Variants in ARHGAP5 observed in about 807,000 individuals in gnomAD.
ARHGAP5 encodes Rho GTPase activating protein 5.
A neutral mutation model predicts 116.6 loss-of-function variants in ARHGAP5; 23 were observed. The ratio of observed to expected loss-of-function variants is 0.20; its 90% CI spans 0.14 to 0.28. The LOEUF (loss-of-function observed/expected upper bound fraction) is 0.28, where lower values mean the gene tolerates loss of function less well. ARHGAP5 is among the 10% of genes least tolerant of loss of function. The pLI, the probability that ARHGAP5 is intolerant of heterozygous loss-of-function variation, is 1.00. For synonymous variants in ARHGAP5, 574 were observed against 602.0 expected, an observed-to-expected ratio of 0.95 and a Z score of 0.68; for missense variants, 1,405 against 1,774.8, an observed-to-expected ratio of 0.79 and a Z score of 3.74.
chr14:32,114,509 C>T (rs1278607283), intron 2 of ARHGAP5, among the ~76,000 whole-genome samples: 3 of 152,126 alleles, frequency 2.0e-5, no homozygotes, highest in Admixed American at 1.3e-4. Flanking sequence ...TAAGGATCCA[C>T]ACCACTTGAC....
chr14:32,088,676 A>G (rs1334757803), intron 1 of ARHGAP5, among the ~76,000 whole-genome samples: 1 of 152,022 alleles, frequency 6.6e-6, no homozygotes, highest in Non-Finnish European at 1.5e-5. Flanking sequence ...ATTGAACGGG[A>G]CTGCCCTAGT....
intron 3 of ARHGAP5, among the ~76,000 whole-genome samples, chr14:32,130,209 A>AT (rs1201632953): frequency 0.026 from 3,229 of 124,392 alleles, 77 homozygotes; most frequent in African/African-American, 0.042. Flanking sequence ...TTCATAAGGG[A>AT]TTTTTTTTTT....
chr14:32,126,407 C>T (rs1880156068), intron 3 of ARHGAP5, among the ~76,000 whole-genome samples: 1 of 152,184 alleles, frequency 6.6e-6, no homozygotes, highest in African/African-American at 2.4e-5. Flanking sequence ...TGTATTACTA[C>T]AATCTCTGCC....
At chr14:32,131,066 T>C (rs1010207211) in intron 3 of ARHGAP5, among the ~76,000 whole-genome samples, 2 of 152,122 alleles carry the variant, frequency 1.3e-5, no homozygotes, top group Non-Finnish European at 1.5e-5. Context: ...AACAAGAACA[T>C]TCTCTTCACA....
rs1164853875 is a variant in ARHGAP5, at chr14:32,158,296, C to G, written c.*3348C>G. ...TTTCACTGTACCTGAAAAGGAGATT[C>G]AAAATTTTTTCTGGGGATGTATATA... On this transcript the variant is annotated 3_prime_UTR_variant, in exon 7 of 7. Transcript: ENST00000345122. 1.3e-5 allele frequency: 2 copies of G among 151,808 alleles called. No homozygotes were observed. The highest frequency in any genetic ancestry group is 2.4e-5 in the African/African-American group (1 of 41,500). The allele number at this position is 151,808 out of a possible 1,614,324, so 9.4% of individuals were successfully genotyped here.
In ARHGAP5 at chr14:32,159,361, C is replaced by T. The variant is rs548381169; in HGVS notation, c.*4413C>T. ...TAAGTTATTGTGAACAATTTAATAACGGCCCTCCTGTTCTAGTTTGCCTAA... is the reference window on the plus strand; with the variant it reads ...TAAGTTATTGTGAACAATTTAATAATGGCCCTCCTGTTCTAGTTTGCCTAA... On this transcript the variant is annotated 3_prime_UTR_variant, in exon 7 of 7. Transcript: ENST00000345122. 1.3e-4 allele frequency: 20 copies of T among 152,212 alleles called. No individual in the cohort carries two copies. Among genetic ancestry groups the T allele is most frequent in the African/African-American group, 4.1e-4 (17 of 41,560 alleles). 9.4% of individuals were successfully genotyped at this position (152,212 alleles called of 1,614,324 possible).
At chr14:32,104,345 A>G (rs1335226445) in intron 2 of ARHGAP5, among the ~76,000 whole-genome samples, 1 of 152,194 alleles carries the variant, frequency 6.6e-6, no homozygotes, top group African/African-American at 2.4e-5. Flanking sequence ...TATCTTAGAG[A>G]ATAAAGGTTC....
In ARHGAP5 at chr14:32,091,886, G is replaced by A. The variant is rs1466276463; in HGVS notation, c.1217G>A (p.Ser406Asn). ...AGGCGGATTCCATTTGACCTCCTGA[G>A]CACTTTAGAAGCTGAAAAAGTCTAT... is the stretch of plus-strand genomic sequence containing the variant. Reference protein sequence around the residue: ...NDRRIPFDLLSTLEAEKVYQN... With the variant: ...NDRRIPFDLLNTLEAEKVYQN... Residue 406 changes from serine to asparagine, a missense_variant, in exon 2 of 7, where the codon AGC becomes AAC. This residue lies in a region of ARHGAP5 where 944 missense variants were observed against 1,095.3 expected (regional missense o/e 0.86). Transcript: ENST00000345122. 3 of 1,613,532 alleles carry A rather than the reference G, an allele frequency of 1.9e-6. No individual in the cohort carries two copies. In the South Asian group the frequency reaches 3.3e-5, roughly 18 times the overall value.
chr14:32,106,028 G>A (rs1376982986), intron 2 of ARHGAP5, among the ~76,000 whole-genome samples: 2 of 152,150 alleles, frequency 1.3e-5, no homozygotes, highest in Admixed American at 6.5e-5. Context: ...ACATCAGGTC[G>A]TTCCAGTTTT....
At position 32,087,433 on chromosome 14, in the gene ARHGAP5, G is replaced by GT. The variant is rs78897765; in HGVS notation, c.-168-3058dup. Among the ~76,000 whole-genome samples, 242 of 143,412 alleles carry GT rather than the reference G, an allele frequency of 1.7e-3. 1 individual carries two copies. The highest frequency in any genetic ancestry group is 4.5e-3 in the South Asian group (20 of 4,444). 94.1% of individuals were successfully genotyped at this position (143,412 alleles called of 152,430 possible). A position where few individuals can be genotyped will look rare whatever the true frequency, so the allele number is the denominator to read the frequency against. ...CCCTTTTGAGGGCAAGGTGACAACA[G>GT]TTTTTTTTTTTCTATTTTGGGGTTT... On this transcript the variant is annotated intron_variant, in intron 1 of 6. Transcript: ENST00000345122.
chr14:32,152,163 A>G (rs1881665118), intron 5 of ARHGAP5, among the ~76,000 whole-genome samples: 1 of 152,196 alleles, frequency 6.6e-6, no homozygotes. Flanking sequence ...TGAGAATCTA[A>G]TGATAAATGT....
intron 1 of ARHGAP5, among the ~76,000 whole-genome samples, chr14:32,086,701 C>CT (rs1237921457): frequency 2.7e-5 from 4 of 150,908 alleles, no homozygotes; most frequent in Non-Finnish European, 4.4e-5. Context: ...CCTTGTAGAA[C>CT]TTTTTTTTTC....
At chr14:32,098,015 A>G (rs1339018067) in intron 2 of ARHGAP5, among the ~76,000 whole-genome samples, 2 of 152,236 alleles carry the variant, frequency 1.3e-5, no homozygotes, top group Non-Finnish European at 2.9e-5. Context: ...ATGGCATATC[A>G]TAGAGAAGTC....
intron 3 of ARHGAP5, among the ~76,000 whole-genome samples, chr14:32,130,380 T>C (rs957263079): frequency 4.0e-5 from 6 of 148,354 alleles, no homozygotes; most frequent in African/African-American, 1.5e-4. Context: ...CCAGGCTAAT[T>C]TTTTGGGTTT....
intron 1 of ARHGAP5, among the ~76,000 whole-genome samples, chr14:32,089,955 T>C (rs2041868277): frequency 6.6e-6 from 1 of 151,852 alleles, no homozygotes; most frequent in African/African-American, 2.4e-5. Context: ...GGTATAACAT[T>C]TGGTAGATTT....
At chr14:32,134,527 G>A (rs1880683057) in intron 3 of ARHGAP5, among the ~76,000 whole-genome samples, 1 of 152,036 alleles carries the variant, frequency 6.6e-6, no homozygotes, top group Non-Finnish European at 1.5e-5. Context: ...CTTAAGTGAA[G>A]CCCCATTAGT....
At position 32,128,496 on chromosome 14, in the gene ARHGAP5, C is replaced by T. The variant is rs1446085628; in HGVS notation, c.3865+11209C>T. Among the ~76,000 whole-genome samples the T allele has an allele frequency of 2.6e-5, 4 of 152,260 alleles. No individual in the cohort carries two copies. In the South Asian group the frequency reaches 6.2e-4, roughly 24 times the overall value. ...TCACCTCGCTGGGCTCTGGTTTCCT[C>T]ATTCCAAGGATGGCTCTGCTATCTG... is the stretch of plus-strand genomic sequence containing the variant. On this transcript the variant is annotated intron_variant, in intron 3 of 6. Transcript: ENST00000345122.
At chr14:32,116,090 A>G (rs1879561732) in intron 2 of ARHGAP5, among the ~76,000 whole-genome samples, 1 of 150,170 alleles carries the variant, frequency 6.7e-6, no homozygotes, top group African/African-American at 2.5e-5. Flanking sequence ...GATTGAGACT[A>G]TCCTGGCTGA....
intron 3 of ARHGAP5, among the ~76,000 whole-genome samples, chr14:32,141,859 C>T (rs1881140386): frequency 6.6e-6 from 1 of 152,134 alleles, no homozygotes; most frequent in South Asian, 2.1e-4. Context: ...TCCATGGTTT[C>T]TGAAGATCGA....
Sources: gnomAD v4.1 joint callset for allele counts (sites outside exome capture counted in the v4.1 genomes callset) on GRCh38, gnomAD v4.1.1 for gene constraint, gnomAD v4.1.1 regional missense constraint, MANE v1.5 for transcripts, NCBI Gene and HGNC (gene_info 2026-07-23, HGNC 2026-07-21) for gene names.